IMMP2L: variants seen among roughly 807,000 people sequenced by gnomAD.
IMMP2L encodes the protein mitochondrial inner membrane protease subunit 2.
In IMMP2L, 18 loss-of-function variants were observed where a neutral mutation model predicts 19.3. That is an observed-to-expected ratio of 0.93 (90% CI 0.64 to 1.38). The LOEUF is 1.38. IMMP2L is among the 40% of genes most tolerant of loss of function. The pLI is 0.00. For missense variants in IMMP2L, 233 were observed against 218.2 expected, an observed-to-expected ratio of 1.07 and a Z score of -0.43; for synonymous variants, 76 against 73.0, an observed-to-expected ratio of 1.04 and a Z score of -0.21.
intron 5 of IMMP2L, among the ~76,000 whole-genome samples, chr7:110,865,483 A>G (rs1435178901): frequency 6.6e-6 from 1 of 152,232 alleles, no homozygotes; most frequent in East Asian, 1.9e-4. Flanking sequence ...TTGAAGCTCT[A>G]GCTATGGCTG....
intron 3 of IMMP2L, among the ~76,000 whole-genome samples, chr7:111,210,303 C>T (rs1009149454): frequency 1.1e-4 from 16 of 152,182 alleles, no homozygotes; most frequent in African/African-American, 3.1e-4. Context: ...GAAGATCACA[C>T]ATCCAACATA....
intron 4 of IMMP2L, among the ~76,000 whole-genome samples, chr7:110,961,296 A>C (rs2129555305): frequency 6.6e-6 from 1 of 152,000 alleles, no homozygotes; most frequent in African/African-American, 2.4e-5. Flanking sequence ...ATGATGTAGT[A>C]TTTGCATATA....
At chr7:111,033,000 A>C (rs1407626212) in intron 3 of IMMP2L, among the ~76,000 whole-genome samples, 16 of 151,866 alleles carry the variant, frequency 1.1e-4, no homozygotes, top group Non-Finnish European at 1.6e-4. Flanking sequence ...TGTGCCTATA[A>C]TCCCTGCTAC....
intron 5 of IMMP2L, among the ~76,000 whole-genome samples, chr7:110,698,503 G>A (rs1306698801): frequency 6.6e-6 from 1 of 152,174 alleles, no homozygotes; most frequent in African/African-American, 2.4e-5. Context: ...AGCGATGAGA[G>A]AATACCCTCC....
intron 3 of IMMP2L, among the ~76,000 whole-genome samples, chr7:111,470,823 T>C (rs959488145): frequency 1.3e-5 from 2 of 151,060 alleles, no homozygotes; most frequent in Non-Finnish European, 2.9e-5. Context: ...CATGTATACA[T>C]ATGTAACTAA....
At chr7:111,415,357 G>C (rs1469077107) in intron 3 of IMMP2L, among the ~76,000 whole-genome samples, 1 of 151,712 alleles carries the variant, frequency 6.6e-6, no homozygotes, top group Non-Finnish European at 1.5e-5. Flanking sequence ...ATAGCCCAGG[G>C]GAGACCTTGA....
At chr7:110,704,851 T>C (rs1355282616) in intron 5 of IMMP2L, among the ~76,000 whole-genome samples, 1 of 152,210 alleles carries the variant, frequency 6.6e-6, no homozygotes, top group Non-Finnish European at 1.5e-5. Context: ...GTTTGTCTAA[T>C]ACTACCCCTC....
chr7:111,436,073 TGAGAGGCCAAA>T (rs1837136218), intron 3 of IMMP2L, among the ~76,000 whole-genome samples: 1 of 151,746 alleles, frequency 6.6e-6, no homozygotes, highest in Admixed American at 6.6e-5. Flanking sequence ...GCACTATGTT[TGAGAGGCCAAA>T]GAAGAGACCC....
intron 5 of IMMP2L, among the ~76,000 whole-genome samples, chr7:110,825,832 C>T (rs560906647): frequency 9.2e-5 from 14 of 152,248 alleles, no homozygotes; most frequent in East Asian, 3.9e-4. Flanking sequence ...CCAAAATTGA[C>T]GAATGGGATC....
intron 3 of IMMP2L, among the ~76,000 whole-genome samples, chr7:111,029,631 C>T (rs1269107961): frequency 2.0e-5 from 3 of 152,160 alleles, no homozygotes; most frequent in Non-Finnish European, 4.4e-5. Flanking sequence ...CAAATGTCTT[C>T]TGGCTTTTTT....
intron 3 of IMMP2L, chr7:111,125,075 A>C (rs1284194138): frequency 5.8e-6 from 3 of 515,286 alleles, no homozygotes; most frequent in Non-Finnish European, 1.0e-5. Flanking sequence ...AATATGTACA[A>C]CTTCAGCATT....
At chr7:111,464,495 T>A (rs1471059754) in intron 3 of IMMP2L, among the ~76,000 whole-genome samples, 4 of 152,068 alleles carry the variant, frequency 2.6e-5, no homozygotes, top group Admixed American at 6.6e-5. Context: ...AGTAAATAAA[T>A]AAGTAAAGTT....
chr7:111,339,555 A>G (rs1237147532), intron 3 of IMMP2L, among the ~76,000 whole-genome samples: 1 of 151,998 alleles, frequency 6.6e-6, no homozygotes, highest in Non-Finnish European at 1.5e-5. Context: ...TGAAGTAAAG[A>G]GTTTAACCAA....
At chr7:110,678,379 T>G (rs1024779275) in intron 5 of IMMP2L, among the ~76,000 whole-genome samples, 2 of 152,116 alleles carry the variant, frequency 1.3e-5, no homozygotes, top group African/African-American at 4.8e-5. Context: ...TTCCAACAGC[T>G]AAAAAGTCTG....
chr7:111,014,927 G>A (rs1825352870), intron 3 of IMMP2L, among the ~76,000 whole-genome samples: 1 of 152,182 alleles, frequency 6.6e-6, no homozygotes, highest in South Asian at 2.1e-4. Context: ...AAGATGTGGA[G>A]AATTGGAGCC....
chr7:111,109,333 T>C (rs1011776276), intron 3 of IMMP2L, among the ~76,000 whole-genome samples: 8 of 152,006 alleles, frequency 5.3e-5, no homozygotes, highest in Non-Finnish European at 1.0e-4. Flanking sequence ...AACCCAATCA[T>C]CATGCTTACG....
chr7:110,785,578 A>G (rs1372523131), intron 5 of IMMP2L, among the ~76,000 whole-genome samples: 2 of 151,976 alleles, frequency 1.3e-5, no homozygotes, highest in African/African-American at 4.8e-5. Context: ...AAGGTGACAC[A>G]TCTAGGAAGA....
chr7:111,188,568 A>T (rs1469898349), intron 3 of IMMP2L, among the ~76,000 whole-genome samples: 1 of 152,068 alleles, frequency 6.6e-6, no homozygotes, highest in Admixed American at 6.6e-5. Context: ...TCAACATATG[A>T]ATTTGGGGAG....
At chr7:111,554,117 C>A (rs1322244603) in intron 1 of IMMP2L, among the ~76,000 whole-genome samples, 1 of 152,158 alleles carries the variant, frequency 6.6e-6, no homozygotes, top group African/African-American at 2.4e-5. Context: ...TGGTTCTCCA[C>A]CCTGACTGCC....
Sources: gnomAD v4.1 joint callset for allele counts (sites outside exome capture counted in the v4.1 genomes callset) on GRCh38, gnomAD v4.1.1 for gene constraint, MANE v1.5 for transcripts, NCBI Gene and HGNC (gene_info 2026-07-23, HGNC 2026-07-21) for gene names.